Variants in ILKAP observed in about 807,000 individuals in gnomAD.
ILKAP encodes integrin-linked kinase-associated serine/threonine phosphatase 2C.
A neutral mutation model predicts 49.1 loss-of-function variants in ILKAP; 11 were observed. The ratio of observed to expected loss-of-function variants is 0.22; its 90% CI spans 0.14 to 0.37. The LOEUF is 0.37. Ranked by LOEUF, ILKAP falls within the 10% of genes least tolerant of loss-of-function variation. ILKAP has a pLI of 1.00. For synonymous variants in ILKAP, 186 were observed against 192.8 expected, an observed-to-expected ratio of 0.96 and a Z score of 0.29; for missense variants, 363 against 510.8, an observed-to-expected ratio of 0.71 and a Z score of 2.79.
intron 10 of ILKAP, 123 bp downstream of exon 10, chr2:238,173,411 G>T: frequency 3.1e-6 from 4 of 1,275,994 alleles, no homozygotes; most frequent in Non-Finnish European, 3.2e-6. Flanking sequence ...GTTTATCTCT[G>T]CACCCCCAGG....
chr2:238,182,060 G>A lies in ILKAP; in HGVS notation c.836+5C>T, dbSNP rs529266962. ...CCCATGAGCTCCTCTCAGTCCCTTG[G>A]TTACCTGACGTTTCCTCCAGCCTTC... On this transcript the variant is annotated splice_donor_5th_base_variant and intron_variant, in intron 9 of 11. Transcript: ENST00000254654. 1.2e-6 allele frequency: 2 copies of A among 1,612,912 alleles called. No homozygotes were observed. The highest frequency in any genetic ancestry group is 2.2e-5 in the East Asian group (1 of 44,810).
intron 9 of ILKAP, among the ~76,000 whole-genome samples, chr2:238,180,167 CAAAA>C (rs937999114): frequency 7.7e-6 from 1 of 129,666 alleles, no homozygotes; most frequent in African/African-American, 2.8e-5. Flanking sequence ...TTCTCTCTCT[CAAAA>C]AAAAAAAAGA....
At chr2:238,175,944 A>G (rs1693433034) in intron 9 of ILKAP, among the ~76,000 whole-genome samples, 1 of 151,668 alleles carries the variant, frequency 6.6e-6, no homozygotes, top group Admixed American at 6.6e-5. Context: ...CCACCAATAC[A>G]TACTCTATCC....
chr2:238,191,827 C>T (rs1694137310), intron 3 of ILKAP, among the ~76,000 whole-genome samples: 3 of 150,806 alleles, frequency 2.0e-5, no homozygotes, highest in Admixed American at 6.6e-5. Context: ...CTCACTGGAA[C>T]CCAGGAGGCG....
intron 9 of ILKAP, among the ~76,000 whole-genome samples, chr2:238,178,910 G>A (rs78556898): frequency 0.14 from 20,901 of 152,116 alleles, 1,719 homozygotes; most frequent in Middle Eastern, 0.22. Flanking sequence ...TCCCACCTCA[G>A]CCTCCTGAGT....
chr2:238,178,362 T>C (rs1221146609), intron 9 of ILKAP, among the ~76,000 whole-genome samples: 1 of 152,164 alleles, frequency 6.6e-6, no homozygotes, highest in Non-Finnish European at 1.5e-5. Flanking sequence ...GTGCCATTTT[T>C]ATTTTTTGTA....
At chr2:238,174,660 G>T (rs4663855) in intron 9 of ILKAP, among the ~76,000 whole-genome samples, 125,035 of 152,186 alleles carry the variant, frequency 0.82, 51,538 homozygotes, top group East Asian at 0.98. Flanking sequence ...TGGCTCACAG[G>T]TCAGTATCCG....
At position 238,174,764 on chromosome 2, in the gene ILKAP, G is replaced by A. The variant is rs1427911052; in HGVS notation, c.837-1111C>T. ...GATACAAACTGTTAAATAGCAAGAG[G>A]AAACAGTGCACAGGGGAAGAGCTGA... On this transcript the variant is annotated intron_variant, in intron 9 of 11. Coordinates refer to ENST00000254654, the MANE Select transcript of ILKAP (RefSeq NM_030768.3). Among the ~76,000 whole-genome samples the A allele has an allele frequency of 3.3e-5, 5 of 152,208 alleles. No homozygotes were observed. The East Asian group carries it at 9.6e-4, about 29-fold the overall frequency.
intron 4 of ILKAP, among the ~76,000 whole-genome samples, chr2:238,189,295 G>A (rs1172886787): frequency 6.6e-6 from 1 of 151,418 alleles, no homozygotes; most frequent in Non-Finnish European, 1.5e-5. Context: ...GGGCGACAGA[G>A]CGAGACTCTG....
In ILKAP at chr2:238,185,629, C is replaced by G. The variant is rs1693873998; in HGVS notation, c.426-342G>C. The stretch of plus-strand genomic sequence containing the variant: ...CCATCCTGGCTAACACGGTGAAACC[C>G]CATCTCTACTAACAATACAAAAAAA... On this transcript the variant is annotated intron_variant, in intron 5 of 11. Coordinates refer to ENST00000254654, the MANE Select transcript of ILKAP (RefSeq NM_030768.3). The G allele has an allele frequency of 2.0e-5, 4 of 198,654 alleles. No homozygotes were observed. The South Asian group carries it at 3.1e-4, about 15-fold the overall frequency. The allele number at this position is 198,654 out of a possible 1,614,324, so 12.3% of individuals were successfully genotyped here. A position where few individuals can be genotyped will look rare whatever the true frequency, so the allele number is the denominator to read the frequency against.
chr2:238,194,484 C>T, intron 2 of ILKAP, 153 bp from the exon 3 acceptor site: 1 of 658,060 alleles, frequency 1.5e-6, no homozygotes, highest in Non-Finnish European at 2.7e-6. Flanking sequence ...TGAATAATAT[C>T]TTGAACCTAT....
At chr2:238,197,344 C>T (rs1316793136) in intron 1 of ILKAP, among the ~76,000 whole-genome samples, 1 of 152,208 alleles carries the variant, frequency 6.6e-6, no homozygotes. Context: ...TCAAAAACCA[C>T]ATGAGATGTT....
At chr2:238,199,748 T>C (rs1694492450) in intron 1 of ILKAP, among the ~76,000 whole-genome samples, 2 of 152,154 alleles carry the variant, frequency 1.3e-5, no homozygotes, top group African/African-American at 4.8e-5. Flanking sequence ...TTTCCTCTAA[T>C]ACCTTAACCT....
intron 3 of ILKAP, among the ~76,000 whole-genome samples, chr2:238,193,824 C>T (rs184104073): frequency 6.6e-6 from 1 of 152,336 alleles, no homozygotes; most frequent in African/African-American, 2.4e-5. Flanking sequence ...AGAATCATAC[C>T]TTTGCCGCAA....
chr2:238,183,283 A>G (rs1470285845), intron 8 of ILKAP, among the ~76,000 whole-genome samples: 1 of 152,210 alleles, frequency 6.6e-6, no homozygotes, highest in Non-Finnish European at 1.5e-5. Flanking sequence ...AAAGCTTTTC[A>G]TTCATTACTG....
chr2:238,171,740 C>A (rs531745971), intron 10 of ILKAP, among the ~76,000 whole-genome samples: 2 of 152,308 alleles, frequency 1.3e-5, no homozygotes, highest in Admixed American at 1.3e-4. Context: ...ATGAGCCCAG[C>A]CTCGGTGAAA....
intron 8 of ILKAP, among the ~76,000 whole-genome samples, chr2:238,183,175 G>A (rs1290756797): frequency 1.3e-5 from 2 of 152,152 alleles, no homozygotes; most frequent in Admixed American, 6.5e-5. Context: ...CCTCAGCCAG[G>A]GACCGGGCTC....
At chr2:238,190,443 G>A (rs2106337271) in intron 3 of ILKAP, among the ~76,000 whole-genome samples, 1 of 152,226 alleles carries the variant, frequency 6.6e-6, no homozygotes, top group Non-Finnish European at 1.5e-5. Context: ...GGCAAAATAA[G>A]GCTGCCACAG....
At chr2:238,203,125 CCGCGGGTGGAATCGGGG>C (rs922173776) in intron 1 of ILKAP, among the ~76,000 whole-genome samples, 34 of 151,238 alleles carry the variant, frequency 2.2e-4, no homozygotes, top group Admixed American at 5.3e-4. Flanking sequence ...GCAGCCCAGG[CCGCGGGTGGAATCGGGG>C]CGCGGGGGCC....
Sources: allele counts gnomAD v4.1 joint callset (sites outside exome capture counted in the v4.1 genomes callset), GRCh38; gene constraint gnomAD v4.1.1; transcripts MANE v1.5; gene names NCBI Gene and HGNC (gene_info 2026-07-23, HGNC 2026-07-21).